Variants in DCP1B observed in about 807,000 individuals in gnomAD.
DCP1B encodes the protein decapping mRNA 1B.
DCP1B carries 47 observed loss-of-function variants against 60.5 expected under a neutral mutation model. The ratio of observed to expected loss-of-function variants is 0.78; its 90% CI spans 0.61 to 0.99. The LOEUF (loss-of-function observed/expected upper bound fraction) is 0.99. DCP1B is among the 50% of genes least tolerant of loss of function. The pLI, the probability that DCP1B is intolerant of heterozygous loss-of-function variation, is 0.00. For synonymous variants in DCP1B, 267 were observed against 280.3 expected (o/e 0.95, Z 0.47); for missense variants, 725 against 756.8 (o/e 0.96, Z 0.49).
intron 6 of DCP1B, 50 bp downstream of exon 6, chr12:1,955,382 T>C: frequency 6.4e-7 from 1 of 1,569,260 alleles, no homozygotes; most frequent in Non-Finnish European, 8.6e-7. Flanking sequence ...GTCAAAGTTC[T>C]TTAAGAATTC....
At chr12:1,979,592 G>A (rs181765241) in intron 3 of DCP1B, among the ~76,000 whole-genome samples, 46 of 152,368 alleles carry the variant, frequency 3.0e-4, no homozygotes, top group South Asian at 8.3e-4. Flanking sequence ...GATTACAGGC[G>A]TGAGCCACCG....
intron 3 of DCP1B, among the ~76,000 whole-genome samples, chr12:1,968,858 A>C (rs2031554468): frequency 6.6e-6 from 1 of 152,254 alleles, no homozygotes; most frequent in Non-Finnish European, 1.5e-5. Context: ...AAACTGTGAC[A>C]TAATATACCT....
At chr12:1,958,551 A>G (rs1366105775) in intron 5 of DCP1B, among the ~76,000 whole-genome samples, 1 of 145,618 alleles carries the variant, frequency 6.9e-6, no homozygotes, top group Non-Finnish European at 1.5e-5. Flanking sequence ...TTTTCTATAA[A>G]CCTCCTGGAA....
chr12:1,949,064 G>C, intron 8 of DCP1B, 22 bp downstream of exon 8: 1 of 1,604,410 alleles, frequency 6.2e-7, no homozygotes, highest in Non-Finnish European at 8.5e-7. Flanking sequence ...CAGGTGCGAA[G>C]GGAGATGACG....
At chr12:1,957,722 T>C (rs569868617) in intron 5 of DCP1B, among the ~76,000 whole-genome samples, 33 of 152,338 alleles carry the variant, frequency 2.2e-4, no homozygotes, top group African/African-American at 7.7e-4. Context: ...AGAGATGAAA[T>C]GCAAATTAAC....
chr12:1,992,900 C>T (rs1428578966), intron 3 of DCP1B: 11 of 521,104 alleles, frequency 2.1e-5, no homozygotes, highest in African/African-American at 3.8e-5. Context: ...ATAGCAGACT[C>T]GTTAATTCTT....
At chr12:1,994,440 T>A (rs1026049934) in intron 2 of DCP1B, among the ~76,000 whole-genome samples, 3 of 152,238 alleles carry the variant, frequency 2.0e-5, no homozygotes, top group South Asian at 2.1e-4. Context: ...CCTCCAATTT[T>A]AAAATTGATG....
At chr12:2,001,820 CCTCTA>C (rs1462902702) in intron 1 of DCP1B, among the ~76,000 whole-genome samples, 3 of 152,170 alleles carry the variant, frequency 2.0e-5, no homozygotes, top group Non-Finnish European at 4.4e-5. Flanking sequence ...CATTCCCTGG[CCTCTA>C]CTCTATAGAT....
intron 2 of DCP1B, 111 bp from the exon 3 acceptor site, chr12:1,993,502 G>T: frequency 1.5e-6 from 2 of 1,361,832 alleles, no homozygotes; most frequent in South Asian, 2.8e-5. Context: ...TGTATATGCA[G>T]CTTTATATAA....
intron 7 of DCP1B, among the ~76,000 whole-genome samples, chr12:1,951,070 G>A (rs943141865): frequency 3.3e-5 from 5 of 152,032 alleles, no homozygotes; most frequent in African/African-American, 1.2e-4. Context: ...TCAGAAGTTC[G>A]AGACCAGCCA....
chr12:1,994,850 C>A (rs2154475604), intron 2 of DCP1B, among the ~76,000 whole-genome samples: 1 of 152,264 alleles, frequency 6.6e-6, no homozygotes, highest in Admixed American at 6.5e-5. Flanking sequence ...TCTAAAGCAA[C>A]TTCTGTAAGA....
intron 1 of DCP1B, among the ~76,000 whole-genome samples, chr12:2,000,979 G>C (rs1170631785): frequency 6.6e-6 from 1 of 151,314 alleles, no homozygotes; most frequent in Non-Finnish European, 1.5e-5. Context: ...AGAGGTTGCA[G>C]TGAGCCATGG....
intron 1 of DCP1B, among the ~76,000 whole-genome samples, chr12:2,003,670 T>G (rs961002703): frequency 6.6e-6 from 1 of 152,226 alleles, no homozygotes; most frequent in Non-Finnish European, 1.5e-5. Flanking sequence ...AATATCGAAC[T>G]TGGTGTGCTG....
chr12:1,955,512 A>G lies in DCP1B; in HGVS notation c.571T>C (p.Tyr191His). Residue 191 changes from tyrosine to histidine, a missense_variant, in exon 6 of 9, where the codon TAT becomes CAT. Tyr to His is a moderately conservative substitution (Grantham distance 83). Coordinates refer to ENST00000280665, the MANE Select transcript of DCP1B (RefSeq NM_152640.5). ...GGTTTGATGAGATTTGGATTGTCAT[A>G]GATGGCAGAGGAACTGGTTATCTTT... ...PKKITSSSAI[Y>H]DNPNLIKPIP... The G allele has an allele frequency of 6.2e-7, 1 of 1,613,962 alleles. No homozygotes were observed. The highest frequency in any genetic ancestry group is 1.1e-5 in the South Asian group (1 of 91,082).
Position 1,949,117 on chromosome 12 carries a change from T to C in DCP1B, c.1742A>G (p.Gln581Arg). The C allele has an allele frequency of 1.2e-6, 2 of 1,614,058 alleles. No homozygotes were observed. The highest frequency in any genetic ancestry group is 8.5e-7 in the Non-Finnish European group (1 of 1,179,960). ...VITSSPLTKL[Q>R]LQEALLYLIQ... Reference sequence around the variant, plus strand: ...GAGGTACAGCAGTGCCTCCTGGAGCTGGAGCTTGGTGAGTGGGCTGCTGGT... The same window carrying C: ...GAGGTACAGCAGTGCCTCCTGGAGCCGGAGCTTGGTGAGTGGGCTGCTGGT... The change falls in exon 8 of 9, where the codon CAG (glutamine) becomes CGG (arginine). Residue 581 changes from glutamine (Q) to arginine (R), a missense_variant. Gln to Arg is a conservative substitution (Grantham distance 43). Transcript: ENST00000280665.
Position 1,955,457 on chromosome 12 carries a change from T to A in DCP1B, c.626A>T (p.Gln209Leu), listed in dbSNP as rs772493311. ...PIPVKPSENQ[Q>L]QRIPQPNQTL... ...CTGGTTGGGCTGAGGTATACGCTGT[T>A]GCTGGTTTTCACTGGGTTTCACTGG... The change falls in exon 6 of 9, where the codon CAA becomes CTA. Residue 209 changes from glutamine (Q) to leucine (L), a missense_variant. Coordinates refer to ENST00000280665, the MANE Select transcript of DCP1B (RefSeq NM_152640.5). 2 of 1,613,712 alleles carry A rather than the reference T, an allele frequency of 1.2e-6. No homozygotes were observed. Among genetic ancestry groups the A allele is most frequent in the Non-Finnish European group, 1.7e-6 (2 of 1,179,784 alleles).
At chr12:1,956,641 A>G (rs181384756) in intron 5 of DCP1B, among the ~76,000 whole-genome samples, 3 of 152,334 alleles carry the variant, frequency 2.0e-5, no homozygotes, top group Non-Finnish European at 4.4e-5. Context: ...ATCACCTTAT[A>G]AGTCATAAAG....
At chr12:1,972,996 T>C (rs151273680) in intron 3 of DCP1B, among the ~76,000 whole-genome samples, 62 of 152,362 alleles carry the variant, frequency 4.1e-4, no homozygotes, top group African/African-American at 1.4e-3. Context: ...GCCGGCTCTG[T>C]GCGGATTCTG....
chr12:1,977,256 A>G (rs1320414199), intron 3 of DCP1B, among the ~76,000 whole-genome samples: 2 of 152,204 alleles, frequency 1.3e-5, no homozygotes, highest in African/African-American at 2.4e-5. Flanking sequence ...CAGATCTGTT[A>G]GCATGCTCGG....
Sources: gnomAD v4.1 joint callset for allele counts (sites outside exome capture counted in the v4.1 genomes callset) on GRCh38, gnomAD v4.1.1 for gene constraint, MANE v1.5 for transcripts, NCBI Gene and HGNC (gene_info 2026-07-23, HGNC 2026-07-21) for gene names.